GALNT1: variants seen among roughly 807,000 people sequenced by gnomAD.
GALNT1 encodes polypeptide N-acetylgalactosaminyltransferase 1, also known as GalNAc transferase 1.
A neutral mutation model predicts 65.7 loss-of-function variants in GALNT1; 17 were observed. That is an observed-to-expected ratio of 0.26 (90% CI 0.18 to 0.39). The LOEUF (loss-of-function observed/expected upper bound fraction) is 0.39. Among genes scored for constraint, GALNT1 ranks in the 10% least tolerant of loss-of-function variants. GALNT1 has a pLI of 1.00. For missense variants in GALNT1, 460 were observed against 672.8 expected (o/e 0.68, Z 3.50); for synonymous variants, 210 against 219.7 (o/e 0.96, Z 0.39).
At chr18:35,655,720 G>A (rs1216963961) in intron 2 of GALNT1, among the ~76,000 whole-genome samples, 6 of 151,700 alleles carry the variant, frequency 4.0e-5, no homozygotes, top group African/African-American at 7.3e-5. Flanking sequence ...ATGATGAGAA[G>A]GGCCTTTGGT....
At chr18:35,599,655 G>A (rs1458912077) in intron 1 of GALNT1, among the ~76,000 whole-genome samples, 5 of 152,120 alleles carry the variant, frequency 3.3e-5, no homozygotes, top group South Asian at 4.1e-4. Context: ...GAGCCATTAC[G>A]CCTAGCCAGA....
intron 1 of GALNT1, among the ~76,000 whole-genome samples, chr18:35,623,427 G>C (rs932744989): frequency 6.6e-6 from 1 of 151,914 alleles, no homozygotes; most frequent in African/African-American, 2.4e-5. Flanking sequence ...TATCTGCTTA[G>C]GTTTCACTGG....
chr18:35,666,372 T>C (rs962270321), intron 3 of GALNT1, among the ~76,000 whole-genome samples: 27 of 152,212 alleles, frequency 1.8e-4, no homozygotes, highest in African/African-American at 6.0e-4. Flanking sequence ...CAAGAGAAGC[T>C]TAATTTGTAA....
chr18:35,605,563 A>C (rs753991614), intron 1 of GALNT1, among the ~76,000 whole-genome samples: 34 of 151,622 alleles, frequency 2.2e-4, no homozygotes, highest in Admixed American at 7.2e-4. Context: ...TTATTTTTTA[A>C]AACTCTTAGA....
At chr18:35,675,124 C>A (rs1373371528) in intron 3 of GALNT1, among the ~76,000 whole-genome samples, 1 of 151,878 alleles carries the variant, frequency 6.6e-6, no homozygotes, top group African/African-American at 2.4e-5. Context: ...GTTCTATGAA[C>A]CCATCCCCCT....
At chr18:35,639,291 A>G (rs1056174198) in intron 1 of GALNT1, among the ~76,000 whole-genome samples, 2 of 152,236 alleles carry the variant, frequency 1.3e-5, no homozygotes, top group African/African-American at 4.8e-5. Flanking sequence ...ATCAGCAGCC[A>G]TCAACACTAA....
intron 1 of GALNT1, among the ~76,000 whole-genome samples, chr18:35,636,448 ACTTTAAACAAAC>A (rs2047089898): frequency 6.6e-6 from 1 of 152,224 alleles, no homozygotes. Context: ...GAAAAAACTT[ACTTTAAACAAAC>A]AAAACCTTGT....
chr18:35,697,597 T>A (rs1202090441), intron 9 of GALNT1, among the ~76,000 whole-genome samples: 1 of 152,198 alleles, frequency 6.6e-6, no homozygotes, highest in African/African-American at 2.4e-5. Flanking sequence ...TTCTTCAGAT[T>A]GTGGTTTTTG....
chr18:35,624,014 TAACGAATATTG>T (rs2046887330), intron 1 of GALNT1, among the ~76,000 whole-genome samples: 2 of 152,186 alleles, frequency 1.3e-5, no homozygotes, highest in African/African-American at 4.8e-5. Context: ...TCTCTTCTCT[TAACGAATATTG>T]ATTCCTTGCT....
chr18:35,690,638 C>T (rs928918030), intron 7 of GALNT1, among the ~76,000 whole-genome samples: 1 of 152,090 alleles, frequency 6.6e-6, no homozygotes, highest in Admixed American at 6.6e-5. Context: ...TTTTAATCTT[C>T]AACTTTTGGT....
At chr18:35,596,955 C>G (rs2046513024) in intron 1 of GALNT1, 4 of 152,210 alleles carry the variant, frequency 2.6e-5, no homozygotes, top group African/African-American at 9.7e-5. Flanking sequence ...TAGAATCCAC[C>G]TCCGCCTAAC....
chr18:35,703,631 G>C lies in GALNT1; in HGVS notation c.1521G>C (p.Glu507Asp). ...CHHLKGNQLW[E>D]YDPVKLTLQH... ...ACCTAAAAGGCAACCAACTCTGGGA[G>C]TATGACCCAGTGGTAAGTTATGCAG... Residue 507 changes from glutamate (E) to aspartate (D), a missense_variant, in exon 11 of 12, where the codon GAG becomes GAC. Coordinates refer to ENST00000269195, the MANE Select transcript of GALNT1 (RefSeq NM_020474.4). The C allele has an allele frequency of 6.2e-7, 1 of 1,613,950 alleles. No individual in the cohort carries two copies. Among genetic ancestry groups the C allele is most frequent in the Middle Eastern group, 1.7e-4 (1 of 6,060 alleles).
upstream of GALNT1, among the ~76,000 whole-genome samples, chr18:35,581,552 C>T (rs1394716036): frequency 1.4e-4 from 4 of 28,832 alleles, no homozygotes; most frequent in African/African-American, 4.3e-4. Flanking sequence ...CTGCGGCGCC[C>T]GCCGCGCGAC....
chr18:35,584,915 TG>T (rs1423450536), intron 1 of GALNT1, among the ~76,000 whole-genome samples: 3 of 152,216 alleles, frequency 2.0e-5, no homozygotes, highest in Non-Finnish European at 2.9e-5. Flanking sequence ...GTTCATGGCT[TG>T]GGGGTTGGGG....
chr18:35,680,264 G>A (rs1360558665), intron 4 of GALNT1, among the ~76,000 whole-genome samples: 1 of 152,118 alleles, frequency 6.6e-6, no homozygotes, highest in Non-Finnish European at 1.5e-5. Flanking sequence ...CCCCAGCACT[G>A]TTAACATTGA....
At chr18:35,648,024 GAGAAGAAGAAGA>G (rs71166076) in intron 1 of GALNT1, among the ~76,000 whole-genome samples, 1 of 145,834 alleles carries the variant, frequency 6.9e-6, no homozygotes, top group Non-Finnish European at 1.5e-5. Flanking sequence ...AAAACAAAAA[GAGAAGAAGAAGA>G]AGAAGAAGAA....
chr18:35,662,397 T>C (rs1210372361), intron 2 of GALNT1, among the ~76,000 whole-genome samples: 3 of 152,242 alleles, frequency 2.0e-5, no homozygotes. Context: ...CACACTTTTT[T>C]CATCATCATT....
At chr18:35,584,909 A>G (rs2046362637) in intron 1 of GALNT1, among the ~76,000 whole-genome samples, 1 of 152,214 alleles carries the variant, frequency 6.6e-6, no homozygotes, top group Non-Finnish European at 1.5e-5. Flanking sequence ...GTACTGGTTC[A>G]TGGCTTGGGG....
intron 3 of GALNT1, among the ~76,000 whole-genome samples, chr18:35,674,975 T>C (rs530640239): frequency 0.054 from 5,318 of 99,182 alleles, 147 homozygotes; most frequent in Middle Eastern, 0.096. Flanking sequence ...AGAGCGAGAC[T>C]CCGTCTCAAA....
Sources: allele counts gnomAD v4.1 joint callset (sites outside exome capture counted in the v4.1 genomes callset), GRCh38; gene constraint gnomAD v4.1.1; transcripts MANE v1.5; gene names NCBI Gene and HGNC (gene_info 2026-07-23, HGNC 2026-07-21).